Variants in FRY observed in about 807,000 individuals in gnomAD.
FRY encodes the protein protein furry homolog.
FRY carries 128 observed loss-of-function variants against 348.4 expected under a neutral mutation model. That is an observed-to-expected ratio of 0.37 (90% CI 0.32 to 0.43). The LOEUF (loss-of-function observed/expected upper bound fraction) is 0.43. Ranked by LOEUF, FRY falls within the 20% of genes least tolerant of loss-of-function variation. FRY has a pLI of 1.00. For synonymous variants in FRY, 1,370 were observed against 1,374.7 expected, an observed-to-expected ratio of 1.00 and a Z score of 0.08; for missense variants, 2,736 against 3,695.2, an observed-to-expected ratio of 0.74 and a Z score of 6.73.
intron 1 of FRY, among the ~76,000 whole-genome samples, chr13:32,077,299 A>T (rs1457013302): frequency 2.0e-5 from 3 of 152,230 alleles, no homozygotes; most frequent in Non-Finnish European, 4.4e-5. Flanking sequence ...CAAAAGAAAG[A>T]TTAGTCTGAT....
chr13:32,048,778 G>GA lies in FRY; in HGVS notation c.70+16923dup, dbSNP rs35285986. Among the ~76,000 whole-genome samples, 39 of 149,262 alleles carry GA rather than the reference G, an allele frequency of 2.6e-4. 1 individual carries two copies. Among genetic ancestry groups the GA allele is most frequent in the Admixed American group, 3.3e-4 (5 of 14,952 alleles). The stretch of plus-strand genomic sequence containing the variant: ...TTTGGAGACACTGATGGCCTTACTA[G>GA]AAAAAAAAAATCTGAATATAAAGAT... On this transcript the variant is annotated intron_variant, in intron 1 of 60. Coordinates refer to ENST00000542859, the MANE Select transcript of FRY (RefSeq NM_023037.3).
At chr13:32,160,430 T>C (rs993642375) in intron 16 of FRY, among the ~76,000 whole-genome samples, 1 of 152,180 alleles carries the variant, frequency 6.6e-6, no homozygotes, top group African/African-American at 2.4e-5. Flanking sequence ...AGTTACCTAT[T>C]AAAACAACTA....
intron 31 of FRY, among the ~76,000 whole-genome samples, chr13:32,206,372 TAG>T (rs1194777917): frequency 1.3e-5 from 2 of 152,068 alleles, no homozygotes; most frequent in Non-Finnish European, 2.9e-5. Context: ...TCCGATGCAG[TAG>T]AGAGATCCCA....
rs1879627965 is a variant in FRY at position 32,135,183 on chromosome 13, G to T, written c.1077G>T (p.Leu359Phe). Residue 359 changes from leucine to phenylalanine, a missense_variant and splice_region_variant, in exon 10 of 61, where the codon TTG becomes TTT. Coordinates refer to ENST00000542859, the MANE Select transcript of FRY (RefSeq NM_023037.3). Reference protein sequence around the residue: ...LELSSRKKHSLALYPLVTCLL... With the variant: ...LELSSRKKHSFALYPLVTCLL... ...TTTCTTCTCGAAAGAAGCATTCCTT[G>T]GTTAGTAACTATGAGAAAATCGAAA... The T allele has an allele frequency of 1.9e-6, 3 of 1,572,786 alleles. No homozygotes were observed. Among genetic ancestry groups the T allele is most frequent in the Non-Finnish European group, 2.6e-6 (3 of 1,142,386 alleles).
intron 48 of FRY, among the ~76,000 whole-genome samples, chr13:32,248,838 G>A (rs983130): frequency 0.17 from 25,462 of 152,150 alleles, 2,702 homozygotes; most frequent in Non-Finnish European, 0.24. Flanking sequence ...AAAACATGCA[G>A]CTGGTTAGCA....
chr13:32,200,380 G>A (rs1419716476), intron 29 of FRY, among the ~76,000 whole-genome samples: 1 of 152,188 alleles, frequency 6.6e-6, no homozygotes, highest in African/African-American at 2.4e-5. Flanking sequence ...CCTGAAGTTT[G>A]TTTGAAAATA....
At chr13:32,159,521 A>G (rs1199287576) in intron 16 of FRY, among the ~76,000 whole-genome samples, 1 of 152,238 alleles carries the variant, frequency 6.6e-6, no homozygotes, top group Non-Finnish European at 1.5e-5. Context: ...AATAATTTTA[A>G]CATCTGTTAA....
intron 1 of FRY, among the ~76,000 whole-genome samples, chr13:32,067,771 A>G (rs752187309): frequency 6.6e-6 from 1 of 152,236 alleles, no homozygotes; most frequent in South Asian, 2.1e-4. Flanking sequence ...CCTGAGAGCC[A>G]CATTAGAGCT....
chr13:32,155,572 A>G lies in FRY; in HGVS notation c.1561A>G (p.Thr521Ala). The G allele has an allele frequency of 1.2e-6, 2 of 1,613,208 alleles. No individual in the cohort carries two copies. The highest frequency in any genetic ancestry group is 1.7e-6 in the Non-Finnish European group (2 of 1,179,146). Reference protein sequence around the residue: ...QKDGEPPMPVTGAVLPSGNTL... With the variant: ...QKDGEPPMPVAGAVLPSGNTL... ...AGATGGGGAACCTCCCATGCCGGTT[A>G]CAGGAGCCGTTCTTCCTTCAGGAAA... Residue 521 changes from threonine to alanine, a missense_variant, in exon 15 of 61, where the codon ACA (threonine) becomes GCA (alanine). Transcript: ENST00000542859.
Position 32,082,221 on chromosome 13 carries a change from TAA to T in FRY, c.270+3204_270+3205del, listed in dbSNP as rs3065538. Among the ~76,000 whole-genome samples the T allele has an allele frequency of 1.6e-3, 231 of 140,766 alleles. 1 individual carries two copies. Among genetic ancestry groups the T allele is most frequent in the East Asian group, 1.8e-3 (9 of 4,882 alleles). 92.3% of individuals were successfully genotyped at this position (140,766 alleles called of 152,430 possible). ...TTTGCAATATCCAGATAGCCAACTT[TAA>T]AAAAAAAAAAAAAAACAGGAAATAA... On this transcript the variant is annotated intron_variant, in intron 2 of 60. Coordinates refer to ENST00000542859, the MANE Select transcript of FRY (RefSeq NM_023037.3).
chr13:32,283,076 A>T (rs1888891280), intron 58 of FRY, among the ~76,000 whole-genome samples: 1 of 151,410 alleles, frequency 6.6e-6, no homozygotes, highest in African/African-American at 2.4e-5. Context: ...GGGAGGCAGA[A>T]GTTGCAGTGA....
chr13:32,094,372 G>A (rs944508603), intron 2 of FRY, among the ~76,000 whole-genome samples: 4 of 152,028 alleles, frequency 2.6e-5, no homozygotes, highest in African/African-American at 9.7e-5. Context: ...GTTCAGTTAC[G>A]CTCTTTTAGT....
intron 1 of FRY, among the ~76,000 whole-genome samples, chr13:32,063,932 T>A (rs1413949607): frequency 6.6e-6 from 1 of 152,240 alleles, no homozygotes; most frequent in Non-Finnish European, 1.5e-5. Context: ...CATGACCTTG[T>A]ACATATTAAC....
rs774186958 is a variant in FRY at position 32,228,529 on chromosome 13, C to T, written c.5280C>T (p.Ser1760=). 1.2e-6 allele frequency: 2 copies of T among 1,613,878 alleles called. No individual in the cohort carries two copies. Among genetic ancestry groups the T allele is most frequent in the Non-Finnish European group, 1.7e-6 (2 of 1,179,880 alleles). The change falls in exon 40 of 61, where the codon TCC becomes TCT. Residue 1760 remains serine (S), a synonymous_variant. Transcript: ENST00000542859. ...CAGGGCTTAGTTCAAGCTCCACCTCCTCTAGCATCAGTCTGGGAGGCAGCA... is the reference window on the plus strand; with the variant it reads ...CAGGGCTTAGTTCAAGCTCCACCTCTTCTAGCATCAGTCTGGGAGGCAGCA... ...PDSGLSSSST[S]SSISLGGSSG... is the part of the protein sequence containing the mutation.
intron 56 of FRY, among the ~76,000 whole-genome samples, chr13:32,275,860 G>T (rs1222976166): frequency 6.6e-6 from 1 of 152,050 alleles, no homozygotes; most frequent in Non-Finnish European, 1.5e-5. Flanking sequence ...CTCCTGGAGG[G>T]TGGGAGTTGT....
At chr13:32,033,165 A>G (rs1872327870) in intron 1 of FRY, among the ~76,000 whole-genome samples, 1 of 152,194 alleles carries the variant, frequency 6.6e-6, no homozygotes, top group African/African-American at 2.4e-5. Flanking sequence ...CCCAAACAGC[A>G]TTCTTTACTT....
chr13:32,191,626 C>T (rs149428209), intron 28 of FRY, among the ~76,000 whole-genome samples: 111 of 152,260 alleles, frequency 7.3e-4, no homozygotes, highest in African/African-American at 2.7e-3. Flanking sequence ...ATTTATTTCT[C>T]ACAGTTTTGG....
rs150411232 is a variant in FRY at position 32,035,268 on chromosome 13, G to A, written c.70+3403G>A. ...AGAGAAGAGAACTACATAAATAAAT[G>A]TCAAAATTAGTTGGTTATTTTGGGC... On this transcript the variant is annotated intron_variant, in intron 1 of 60. Coordinates refer to ENST00000542859, the MANE Select transcript of FRY (RefSeq NM_023037.3). Among the ~76,000 whole-genome samples, 1,064 of 152,246 alleles carry A rather than the reference G, an allele frequency of 7.0e-3. 4 individuals are homozygous for A. The highest frequency in any genetic ancestry group is 0.017 in the Middle Eastern group (5 of 292).
At chr13:32,102,909 T>C (rs1338908616) in intron 3 of FRY, among the ~76,000 whole-genome samples, 3 of 152,240 alleles carry the variant, frequency 2.0e-5, no homozygotes, top group African/African-American at 7.2e-5. Context: ...CTTGTGGTAG[T>C]ACGGTGTTTT....
Sources: gnomAD v4.1 joint callset for allele counts (sites outside exome capture counted in the v4.1 genomes callset) on GRCh38, gnomAD v4.1.1 for gene constraint, MANE v1.5 for transcripts, NCBI Gene and HGNC (gene_info 2026-07-23, HGNC 2026-07-21) for gene names.